Variants in MLYCD observed in about 807,000 individuals in gnomAD.
MLYCD encodes malonyl-CoA decarboxylase.
In MLYCD, 27 loss-of-function variants were observed where a neutral mutation model predicts 35.8. That is an observed-to-expected ratio of 0.75 (90% CI 0.56 to 1.04). The LOEUF (loss-of-function observed/expected upper bound fraction) is 1.04, where lower values mean the gene tolerates loss of function less well. Among genes scored for constraint, MLYCD ranks in the 50% least tolerant of loss-of-function variants. The pLI is 0.00. For synonymous variants in MLYCD, 403 were observed against 302.4 expected (o/e 1.33, Z -3.45); for missense variants, 917 against 665.1 (o/e 1.38, Z -4.17).
rs1312935941 is a variant in MLYCD, at chr16:83,926,397, G to C, written c.*10908G>C. ...GACACTGAGGCCCAGAGAGCTGAAG[G>C]GGCTGGCCGAGGGGACGGGCTTGGG... On this transcript the variant is annotated 3_prime_UTR_variant, in exon 5 of 5. Transcript: ENST00000262430. 1.3e-5 allele frequency: 2 copies of C among 152,434 alleles called. No homozygotes were observed. The highest frequency in any genetic ancestry group is 4.8e-5 in the African/African-American group (2 of 41,464). The allele number at this position is 152,434 out of a possible 1,614,324, so 9.4% of individuals were successfully genotyped here.
Position 83,916,105 on chromosome 16 carries a change from T to C in MLYCD, c.*616T>C, listed in dbSNP as rs1402532513. On this transcript the variant is annotated 3_prime_UTR_variant, in exon 5 of 5. Transcript: ENST00000262430. Reference sequence around the variant, plus strand: ...GCTGCTTGAGGCATAAGTTGGATAATAGGCTTTAAATGATCAGGGATTCAG... The same window carrying C: ...GCTGCTTGAGGCATAAGTTGGATAACAGGCTTTAAATGATCAGGGATTCAG... 1.3e-5 allele frequency: 13 copies of C among 995,432 alleles called. No individual in the cohort carries two copies. The South Asian group carries it at 4.5e-4, about 34-fold the overall frequency. 61.7% of individuals were successfully genotyped at this position (995,432 alleles called of 1,614,324 possible). A position where few individuals can be genotyped will look rare whatever the true frequency, so the allele number is the denominator to read the frequency against.
At chr16:83,901,127 C>T (rs1368470331) in intron 1 of MLYCD, among the ~76,000 whole-genome samples, 1 of 152,174 alleles carries the variant, frequency 6.6e-6, no homozygotes, top group Admixed American at 6.5e-5. Flanking sequence ...GAGGGCCAGG[C>T]ATCTTTGGCC....
intron 1 of MLYCD, among the ~76,000 whole-genome samples, chr16:83,900,162 G>A (rs1906733666): frequency 1.3e-5 from 2 of 152,120 alleles, no homozygotes; most frequent in Non-Finnish European, 2.9e-5. Flanking sequence ...TAGGACTCAA[G>A]GTCACCACCA....
intron 1 of MLYCD, among the ~76,000 whole-genome samples, chr16:83,900,291 G>T (rs1906737987): frequency 6.6e-6 from 1 of 152,120 alleles, no homozygotes; most frequent in Admixed American, 6.5e-5. Context: ...GAGGTAATCA[G>T]GCATTAGCAC....
chr16:83,914,048 C>T (rs114098817), intron 4 of MLYCD: 1 of 152,196 alleles, frequency 6.6e-6, no homozygotes, highest in African/African-American at 2.4e-5. Context: ...CAAGAAACAC[C>T]AGGAGTTTAT....
chr16:83,905,646 T>G (rs1477636482), intron 1 of MLYCD, among the ~76,000 whole-genome samples: 3 of 152,192 alleles, frequency 2.0e-5, no homozygotes, highest in Non-Finnish European at 4.4e-5. Flanking sequence ...AAGAAAAAGA[T>G]GGGCCAAGGG....
chr16:83,907,280 A>G (rs1907013691), intron 2 of MLYCD, among the ~76,000 whole-genome samples, 181 bp downstream of exon 2: 1 of 152,194 alleles, frequency 6.6e-6, no homozygotes. Flanking sequence ...TACTAAGATT[A>G]TGGAGGAAGA....
Position 83,916,107 on chromosome 16 carries a change from G to C in MLYCD, c.*618G>C, listed in dbSNP as rs75701127. Reference sequence around the variant, plus strand: ...TGCTTGAGGCATAAGTTGGATAATAGGCTTTAAATGATCAGGGATTCAGGT... The same window carrying C: ...TGCTTGAGGCATAAGTTGGATAATACGCTTTAAATGATCAGGGATTCAGGT... On this transcript the variant is annotated 3_prime_UTR_variant, in exon 5 of 5. Transcript: ENST00000262430. The C allele has an allele frequency of 2.1e-3, 2,047 of 994,464 alleles. 64 individuals carry two copies. In the Admixed American group the frequency reaches 0.061, roughly 30 times the overall value. 61.6% of individuals were successfully genotyped at this position (994,464 alleles called of 1,614,324 possible). A position where few individuals can be genotyped will look rare whatever the true frequency, so the allele number is the denominator to read the frequency against.
chr16:83,902,154 CGTATATATATATATAT>C (rs1458360663), intron 1 of MLYCD, among the ~76,000 whole-genome samples: 154 of 84,454 alleles, frequency 1.8e-3, no homozygotes, highest in African/African-American at 6.1e-3. Flanking sequence ...TGTGTGCGTG[CGTATATATATATATAT>C]ATATATATAT....
At chr16:83,912,456 C>T in intron 4 of MLYCD, 89 bp downstream of exon 4, 1 of 1,557,476 alleles carries the variant, frequency 6.4e-7, no homozygotes, top group South Asian at 1.1e-5. Context: ...CCATGAGGGA[C>T]ACAGATGAAG....
chr16:83,912,069 C>G, intron 3 of MLYCD, 149 bp from the exon 4 acceptor site: 1 of 1,140,072 alleles, frequency 8.8e-7, no homozygotes, highest in Admixed American at 1.7e-5. Context: ...AGCTTTTAGG[C>G]TCTGTAGCCT....
Position 83,912,251 on chromosome 16 carries a change from G to C in MLYCD, c.832G>C (p.Glu278Gln). ...IVKEHPPSETEEKNKITAAIF... is the reference protein window; with the variant it reads ...IVKEHPPSETQEKNKITAAIF... ...GAAGGAACATCCTCCATCAGAAACAGAAGAGAAGAACAAAATCACTGCTGC... is the reference window on the plus strand; with the variant it reads ...GAAGGAACATCCTCCATCAGAAACACAAGAGAAGAACAAAATCACTGCTGC... Residue 278 changes from glutamate (E) to glutamine (Q), a missense_variant, in exon 4 of 5, where the codon GAA (glutamate) becomes CAA (glutamine). Transcript: ENST00000262430. The C allele has an allele frequency of 1.2e-6, 2 of 1,614,220 alleles. No homozygotes were observed. The highest frequency in any genetic ancestry group is 2.2e-5 in the South Asian group (2 of 91,084).
rs967003374 is a variant in MLYCD, at chr16:83,924,816, G to C, written c.*9327G>C. On this transcript the variant is annotated 3_prime_UTR_variant, in exon 5 of 5. Transcript: ENST00000262430. ...CCTCCTAGGGGGTACATCCAGCCAG[G>C]TTCCCCCTCAGCAATGGCCAGGGGC... The C allele has an allele frequency of 1.3e-5, 2 of 152,302 alleles. No homozygotes were observed. The highest frequency in any genetic ancestry group is 2.1e-4 in the South Asian group (1 of 4,822). 9.4% of individuals were successfully genotyped at this position (152,302 alleles called of 1,614,324 possible).
intron 1 of MLYCD, among the ~76,000 whole-genome samples, chr16:83,904,120 C>G (rs749633235): frequency 6.6e-6 from 1 of 152,154 alleles, no homozygotes; most frequent in South Asian, 2.1e-4. Context: ...GAGGAGCTTT[C>G]ATCAGCCAAA....
intron 3 of MLYCD, among the ~76,000 whole-genome samples, chr16:83,908,755 T>C (rs1907070155): frequency 6.6e-6 from 1 of 152,172 alleles, no homozygotes; most frequent in African/African-American, 2.4e-5. Context: ...GGACTTGTGG[T>C]TGATAGCCCC....
At chr16:83,909,003 C>A (rs949991440) in intron 3 of MLYCD, among the ~76,000 whole-genome samples, 1 of 152,100 alleles carries the variant, frequency 6.6e-6, no homozygotes, top group African/African-American at 2.4e-5. Flanking sequence ...AGATGAGTGC[C>A]CTAAGCAGGT....
intron 4 of MLYCD, chr16:83,914,549 T>G: frequency 3.3e-6 from 1 of 303,554 alleles, no homozygotes; most frequent in Admixed American, 4.7e-5. Context: ...TGAGAAGGGA[T>G]GGTGGGGACA....
At position 83,919,519 on chromosome 16, in the gene MLYCD, A is replaced by G. The variant is rs111064071; in HGVS notation, c.*4030A>G. 0.21 allele frequency: 31,037 copies of G among 150,132 alleles called. 3,553 individuals are homozygous for G. Among genetic ancestry groups the G allele is most frequent in the African/African-American group, 0.32 (12,744 of 40,300 alleles). 9.3% of individuals were successfully genotyped at this position (150,132 alleles called of 1,614,324 possible). A position where few individuals can be genotyped will look rare whatever the true frequency, so the allele number is the denominator to read the frequency against. ...AGAACACACAGTGCACAGAACACAC[A>G]GGGCACAGGAGAACACACAGTGCAC... On this transcript the variant is annotated 3_prime_UTR_variant, in exon 5 of 5. Transcript: ENST00000262430.
At chr16:83,913,317 G>C (rs1350015651) in intron 4 of MLYCD, 1 of 152,266 alleles carries the variant, frequency 6.6e-6, no homozygotes, top group African/African-American at 2.4e-5. Flanking sequence ...CTTCACTGAG[G>C]GTGGTGATTA....
Sources: allele counts gnomAD v4.1 joint callset (sites outside exome capture counted in the v4.1 genomes callset), GRCh38; gene constraint gnomAD v4.1.1; transcripts MANE v1.5; gene names NCBI Gene and HGNC (gene_info 2026-07-23, HGNC 2026-07-21).